Variants in THSD4 observed in about 807,000 individuals in gnomAD.
THSD4 encodes the protein thrombospondin type-1 domain-containing protein 4.
In THSD4, 69 loss-of-function variants were observed where a neutral mutation model predicts 119.0. The ratio of observed to expected loss-of-function variants is 0.58; its 90% confidence interval spans 0.48 to 0.71. THSD4 has a LOEUF of 0.71. THSD4 is among the 30% of genes least tolerant of loss of function. The pLI is 0.00. For missense variants in THSD4, 1,393 were observed against 1,391.1 expected (o/e 1.00, Z -0.02); for synonymous variants, 524 against 540.4 (o/e 0.97, Z 0.42).
intron 7 of THSD4, among the ~76,000 whole-genome samples, chr15:71,468,090 C>T (rs2047525444): frequency 6.6e-6 from 1 of 152,108 alleles, no homozygotes; most frequent in South Asian, 2.1e-4. Flanking sequence ...CTCAGGTGAT[C>T]CACCCGCCTC....
chr15:71,570,152 C>A (rs2049321089), intron 7 of THSD4, among the ~76,000 whole-genome samples: 2 of 152,162 alleles, frequency 1.3e-5, no homozygotes, highest in Non-Finnish European at 2.9e-5. Flanking sequence ...GTGAACACTT[C>A]TTATATGCCA....
intron 7 of THSD4, among the ~76,000 whole-genome samples, chr15:71,652,077 C>G (rs2051102051): frequency 6.6e-6 from 1 of 152,202 alleles, no homozygotes. Flanking sequence ...CAACCTCCAT[C>G]CTGGATCAGA....
chr15:71,389,518 T>C (rs143119006), intron 6 of THSD4, among the ~76,000 whole-genome samples: 1 of 152,098 alleles, frequency 6.6e-6, no homozygotes, highest in Non-Finnish European at 1.5e-5. Context: ...TATATCACAT[T>C]GTGTTTACCC....
intron 6 of THSD4, among the ~76,000 whole-genome samples, chr15:71,321,618 C>T (rs28534790): frequency 0.15 from 22,306 of 151,682 alleles, 1,693 homozygotes; most frequent in South Asian, 0.29. Context: ...GTTTTCCCTT[C>T]CCTGCAGCAT....
upstream of THSD4, among the ~76,000 whole-genome samples, chr15:71,114,076 C>A (rs927055426): frequency 6.6e-6 from 1 of 152,144 alleles, no homozygotes; most frequent in Non-Finnish European, 1.5e-5. Flanking sequence ...TCTGTTTGAT[C>A]AAGTGTGGAA....
At chr15:71,116,639 C>T (rs1309407681) in intron 1 of THSD4, among the ~76,000 whole-genome samples, 1 of 152,166 alleles carries the variant, frequency 6.6e-6, no homozygotes, top group Non-Finnish European at 1.5e-5. Context: ...ACGTGGGTAG[C>T]AATCATTGGA....
chr15:71,401,015 A>T (rs1330873490), intron 6 of THSD4, among the ~76,000 whole-genome samples: 1 of 152,072 alleles, frequency 6.6e-6, no homozygotes, highest in Non-Finnish European at 1.5e-5. Flanking sequence ...TCTCCACTGA[A>T]ATGACAGTGG....
At chr15:71,161,009 A>T (rs1241045498) in intron 3 of THSD4, among the ~76,000 whole-genome samples, 1 of 152,030 alleles carries the variant, frequency 6.6e-6, no homozygotes, top group Non-Finnish European at 1.5e-5. Context: ...TTTCTTCATC[A>T]ACCTACTGGT....
rs146880763 is a variant in THSD4, at chr15:71,551,594, A to G, written c.1153-108936A>G. Among the ~76,000 whole-genome samples, 18 of 152,286 alleles carry G rather than the reference A, an allele frequency of 1.2e-4. No homozygotes were observed. The East Asian group carries it at 3.3e-3, about 28-fold the overall frequency. On this transcript the variant is annotated intron_variant, in intron 7 of 17. Coordinates refer to ENST00000261862, the MANE Select transcript of THSD4 (RefSeq NM_024817.3). ...TGAAAGTATACGAAGAAAATCAACA[A>G]AAGGAAAAGGTTCCTGGGGTAAAGT...
intron 7 of THSD4, among the ~76,000 whole-genome samples, chr15:71,610,424 AG>A (rs2050201503): frequency 6.6e-6 from 1 of 152,128 alleles, no homozygotes; most frequent in Non-Finnish European, 1.5e-5. Flanking sequence ...ATTCTTAGGA[AG>A]GCACTGGGGC....
chr15:71,589,381 A>G (rs2049752944), intron 7 of THSD4, among the ~76,000 whole-genome samples: 1 of 129,980 alleles, frequency 7.7e-6, no homozygotes, highest in African/African-American at 2.6e-5. Flanking sequence ...TATTGGAGAC[A>G]GAGTCTCACT....
intron 7 of THSD4, among the ~76,000 whole-genome samples, chr15:71,644,389 T>C (rs2050927178): frequency 6.6e-6 from 1 of 152,178 alleles, no homozygotes; most frequent in Non-Finnish European, 1.5e-5. Flanking sequence ...AGGATAAATG[T>C]CCTTTGCTCC....
chr15:71,560,928 A>C (rs1331644878), intron 7 of THSD4, among the ~76,000 whole-genome samples: 2 of 150,598 alleles, frequency 1.3e-5, no homozygotes, highest in African/African-American at 2.4e-5. Flanking sequence ...GTTCTTGCTT[A>C]GGCAGGCTAC....
intron 1 of THSD4, among the ~76,000 whole-genome samples, chr15:71,100,782 C>A (rs1336943696): frequency 1.3e-5 from 2 of 152,168 alleles, no homozygotes; most frequent in East Asian, 3.9e-4. Context: ...GAGTTTGAGA[C>A]CAGCCTGGGC....
intron 7 of THSD4, among the ~76,000 whole-genome samples, chr15:71,447,589 T>G (rs1291486683): frequency 2.0e-5 from 3 of 152,260 alleles, no homozygotes; most frequent in African/African-American, 7.2e-5. Flanking sequence ...GAGGTAGGAC[T>G]GTCTTTTAGT....
chr15:71,448,136 T>G (rs2047213456), intron 7 of THSD4, among the ~76,000 whole-genome samples: 1 of 152,252 alleles, frequency 6.6e-6, no homozygotes, highest in Non-Finnish European at 1.5e-5. Flanking sequence ...TCTTGTTCTG[T>G]CTGCCTGCTT....
intron 12 of THSD4, among the ~76,000 whole-genome samples, chr15:71,746,350 G>T (rs1226275597): frequency 6.6e-6 from 1 of 152,104 alleles, no homozygotes; most frequent in Non-Finnish European, 1.5e-5. Flanking sequence ...AAATTTATCT[G>T]CCTTTACAGA....
At chr15:71,702,115 A>G (rs928292658) in intron 8 of THSD4, among the ~76,000 whole-genome samples, 1 of 151,996 alleles carries the variant, frequency 6.6e-6, no homozygotes, top group East Asian at 1.9e-4. Context: ...CTTCCTCCTT[A>G]TGGGTCAGGT....
chr15:71,733,927 A>T (rs1396693902), intron 10 of THSD4: 14 of 149,334 alleles, frequency 9.4e-5, no homozygotes, highest in African/African-American at 3.4e-4. Flanking sequence ...AAAAAAAAAA[A>T]AAAAAATTGC....
Sources: allele counts gnomAD v4.1 joint callset (sites outside exome capture counted in the v4.1 genomes callset), GRCh38; gene constraint gnomAD v4.1.1; transcripts MANE v1.5; gene names NCBI Gene and HGNC (gene_info 2026-07-23, HGNC 2026-07-21).